SCHIP1: variants seen among roughly 807,000 people sequenced by gnomAD.
SCHIP1 encodes schwannomin interacting protein 1.
A neutral mutation model predicts 29.7 loss-of-function variants in SCHIP1; 8 were observed. The observed-to-expected ratio is 0.27, with a 90% CI of 0.16 to 0.49. The LOEUF (loss-of-function observed/expected upper bound fraction) is 0.49, where lower values mean the gene tolerates loss of function less well. Ranked by LOEUF, SCHIP1 falls within the 20% of genes least tolerant of loss-of-function variation. The pLI is 0.99. For missense variants in SCHIP1, 193 were observed against 294.6 expected, an observed-to-expected ratio of 0.66 and a Z score of 2.52; for synonymous variants, 76 against 94.9, an observed-to-expected ratio of 0.80 and a Z score of 1.16.
At position 159,859,191 on chromosome 3, in the gene SCHIP1, T is replaced by C. The variant is rs540902980; in HGVS notation, c.31-6972T>C. ...TTTGTGCACCTGACATTCAACAGCA[T>C]ACAATTTCTTTTCTTCTAGAATGCT... On this transcript the variant is annotated intron_variant, in intron 1 of 6. Coordinates refer to ENST00000445224, the Ensembl canonical transcript of SCHIP1. 7.2e-5 allele frequency among the ~76,000 whole-genome samples: 11 copies of C among 152,360 alleles called. 1 individual carries two copies. In the South Asian group the frequency reaches 2.3e-3, roughly 32 times the overall value.
chr3:159,333,735 C>A, the SCHIP1 span, among the ~76,000 whole-genome samples: 1,517 of 152,150 alleles, frequency 1.0e-2, 34 homozygotes, highest in African/African-American at 0.034. Context: ...AGTCTGATAT[C>A]AACAAAATAT....
the SCHIP1 span, among the ~76,000 whole-genome samples, chr3:159,406,933 C>T: frequency 6.6e-6 from 1 of 151,822 alleles, no homozygotes; most frequent in Non-Finnish European, 1.5e-5. Context: ...ACAATATTGC[C>T]AGAGAAAATC....
the SCHIP1 span, among the ~76,000 whole-genome samples, chr3:159,829,904 C>T: frequency 6.6e-6 from 1 of 152,098 alleles, no homozygotes; most frequent in East Asian, 1.9e-4. Flanking sequence ...AGATTAATGA[C>T]CTATTGTAAG....
the SCHIP1 span, among the ~76,000 whole-genome samples, chr3:159,349,504 T>C: frequency 6.6e-6 from 1 of 152,188 alleles, no homozygotes; most frequent in Non-Finnish European, 1.5e-5. Context: ...ATCATTATTC[T>C]CTGAATTCAG....
chr3:159,545,907 A>G, the SCHIP1 span, among the ~76,000 whole-genome samples: 1 of 151,630 alleles, frequency 6.6e-6, no homozygotes, highest in Admixed American at 6.6e-5. Flanking sequence ...GGGACTGAGC[A>G]TGTTCCTCCA....
chr3:159,322,671 C>A, the SCHIP1 span, among the ~76,000 whole-genome samples: 1 of 152,192 alleles, frequency 6.6e-6, no homozygotes, highest in Non-Finnish European at 1.5e-5. Flanking sequence ...GGGTTGCCTT[C>A]TTCACTAGGC....
the SCHIP1 span, among the ~76,000 whole-genome samples, chr3:159,485,340 AAATAAG>A: frequency 3.7e-3 from 567 of 152,288 alleles, 8 homozygotes; most frequent in African/African-American, 0.013. Context: ...AACATCTATA[AAATAAG>A]AATAACACAC....
the SCHIP1 span, among the ~76,000 whole-genome samples, chr3:159,391,663 A>G: frequency 1.3e-5 from 2 of 152,226 alleles, no homozygotes; most frequent in Non-Finnish European, 2.9e-5. Context: ...AGAAAACATT[A>G]TGCATTATTC....
the SCHIP1 span, among the ~76,000 whole-genome samples, chr3:159,299,895 C>T: frequency 2.0e-5 from 3 of 152,072 alleles, no homozygotes; most frequent in Non-Finnish European, 4.4e-5. Flanking sequence ...TAATTGCCAA[C>T]CCATGGGGGA....
At chr3:159,804,659 G>A in the SCHIP1 span, among the ~76,000 whole-genome samples, 33 of 152,202 alleles carry the variant, frequency 2.2e-4, no homozygotes, top group African/African-American at 7.5e-4. Flanking sequence ...TCCCCTCGGT[G>A]TATACTTGAG....
At chr3:159,337,265 C>T in the SCHIP1 span, among the ~76,000 whole-genome samples, 1 of 152,074 alleles carries the variant, frequency 6.6e-6, no homozygotes, top group South Asian at 2.1e-4. Flanking sequence ...AAACTGGAAG[C>T]ATTCCCTTTG....
At chr3:159,482,608 G>A in the SCHIP1 span, among the ~76,000 whole-genome samples, 4 of 152,152 alleles carry the variant, frequency 2.6e-5, no homozygotes, top group Non-Finnish European at 5.9e-5. Context: ...ACCAATAATA[G>A]AAATAGTTTG....
the SCHIP1 span, among the ~76,000 whole-genome samples, chr3:159,804,367 T>C: frequency 1.1e-4 from 17 of 152,202 alleles, no homozygotes; most frequent in African/African-American, 3.9e-4. Context: ...GGAAATATAA[T>C]TGTGATCAAT....
At chr3:159,840,290 C>A in intron 1 of SCHIP1, 1 of 1,298,184 alleles carries the variant, frequency 7.7e-7, no homozygotes, top group Non-Finnish European at 1.1e-6. Flanking sequence ...CAGCAGGTTG[C>A]CTCTTTCCGG....
At chr3:159,427,398 C>T in the SCHIP1 span, among the ~76,000 whole-genome samples, 4 of 151,560 alleles carry the variant, frequency 2.6e-5, no homozygotes, top group Non-Finnish European at 4.4e-5. Context: ...CATTCTTATA[C>T]ACCAATAACA....
chr3:159,318,180 T>C, the SCHIP1 span, among the ~76,000 whole-genome samples: 1 of 152,284 alleles, frequency 6.6e-6, no homozygotes, highest in South Asian at 2.1e-4. Flanking sequence ...GAATGGGTCA[T>C]CCTATCCACT....
the SCHIP1 span, among the ~76,000 whole-genome samples, chr3:159,371,928 G>A: frequency 1.2e-4 from 18 of 152,144 alleles, no homozygotes; most frequent in African/African-American, 4.3e-4. Flanking sequence ...GACACAGAAG[G>A]CCAACTGTAT....
chr3:159,587,780 C>T, the SCHIP1 span, among the ~76,000 whole-genome samples: 3 of 152,090 alleles, frequency 2.0e-5, no homozygotes, highest in African/African-American at 7.2e-5. Flanking sequence ...CATCCATGTC[C>T]CTACAAAGGA....
At chr3:159,394,416 G>A in the SCHIP1 span, among the ~76,000 whole-genome samples, 2 of 152,226 alleles carry the variant, frequency 1.3e-5, no homozygotes, top group African/African-American at 4.8e-5. Context: ...AATGCTTCCA[G>A]TGTTTGCCCA....
Sources: gnomAD v4.1 joint callset for allele counts (sites outside exome capture counted in the v4.1 genomes callset) on GRCh38, gnomAD v4.1.1 for gene constraint, MANE v1.5 for transcripts, NCBI Gene and HGNC (gene_info 2026-07-23, HGNC 2026-07-21) for gene names.